The following STXBP5L variants were observed in gnomAD, a reference collection of about 807,000 sequenced individuals.
STXBP5L encodes the protein syntaxin-binding protein 5-like.
Under a neutral mutation model 144.5 loss-of-function variants are expected in STXBP5L, and 65 were observed. That is an observed-to-expected ratio of 0.45 (90% CI 0.37 to 0.55). STXBP5L has a LOEUF of 0.55. STXBP5L is among the 20% of genes least tolerant of loss of function. The pLI, the probability that STXBP5L is intolerant of heterozygous loss-of-function variation, is 0.00. For missense variants in STXBP5L, 1,298 were observed against 1,405.5 expected (o/e 0.92, Z 1.22); for synonymous variants, 505 against 469.6 (o/e 1.08, Z -0.97).
At chr3:121,126,272 A>C (rs2044698480) in intron 7 of STXBP5L, among the ~76,000 whole-genome samples, 1 of 152,206 alleles carries the variant, frequency 6.6e-6, no homozygotes, top group Non-Finnish European at 1.5e-5. Context: ...ATGCTCATTC[A>C]TTAACATATG....
chr3:121,325,000 T>C (rs948273327), intron 20 of STXBP5L, among the ~76,000 whole-genome samples: 9 of 152,048 alleles, frequency 5.9e-5, no homozygotes, highest in African/African-American at 1.7e-4. Context: ...TTTTCTATCA[T>C]CAGAAACAAC....
At chr3:120,975,384 C>T (rs75727207) in intron 3 of STXBP5L, among the ~76,000 whole-genome samples, 2 of 151,908 alleles carry the variant, frequency 1.3e-5, no homozygotes, top group South Asian at 2.1e-4. Context: ...GATTTTTGCA[C>T]ATTGATTTTG....
chr3:121,096,087 G>T (rs1273957386), intron 5 of STXBP5L, among the ~76,000 whole-genome samples: 2 of 150,914 alleles, frequency 1.3e-5, no homozygotes, highest in Non-Finnish European at 2.9e-5. Context: ...GCTCTTGCTT[G>T]GTGGGCTGTA....
intron 18 of STXBP5L, among the ~76,000 whole-genome samples, chr3:121,273,299 GT>G (rs887233615): frequency 1.2e-3 from 171 of 144,718 alleles, no homozygotes; most frequent in African/African-American, 2.4e-3. Context: ...TTGGATGGCA[GT>G]TTTTTTTTTT....
At chr3:121,243,032 G>T (rs935368732) in intron 14 of STXBP5L, among the ~76,000 whole-genome samples, 1 of 152,114 alleles carries the variant, frequency 6.6e-6, no homozygotes, top group African/African-American at 2.4e-5. Flanking sequence ...TTTCCAAGCT[G>T]GCAGAGCTCA....
At chr3:120,942,364 A>G (rs947482873) in intron 2 of STXBP5L, among the ~76,000 whole-genome samples, 1 of 151,634 alleles carries the variant, frequency 6.6e-6, no homozygotes, top group Non-Finnish European at 1.5e-5. Context: ...TATTCAATAA[A>G]CATTGAGATA....
At chr3:121,071,927 G>A (rs2041827606) in intron 5 of STXBP5L, among the ~76,000 whole-genome samples, 1 of 152,178 alleles carries the variant, frequency 6.6e-6, no homozygotes, top group Non-Finnish European at 1.5e-5. Flanking sequence ...AGGACCATGG[G>A]CAGCACCTGA....
intron 5 of STXBP5L, among the ~76,000 whole-genome samples, chr3:121,052,170 C>A (rs1438614298): frequency 6.6e-6 from 1 of 152,168 alleles, no homozygotes; most frequent in Non-Finnish European, 1.5e-5. Flanking sequence ...GAGCTGGTAC[C>A]ATTCCTTCTG....
chr3:121,025,326 G>A (rs1945850833), intron 3 of STXBP5L, among the ~76,000 whole-genome samples: 1 of 152,130 alleles, frequency 6.6e-6, no homozygotes, highest in Admixed American at 6.6e-5. Context: ...TGAGGGAGTA[G>A]TTGGGATAGC....
chr3:121,400,756 A>G (rs908511116), intron 22 of STXBP5L, among the ~76,000 whole-genome samples: 1 of 151,990 alleles, frequency 6.6e-6, no homozygotes, highest in African/African-American at 2.4e-5. Context: ...CCACCTTCCA[A>G]CCTTCCTGAG....
At chr3:121,119,856 T>C (rs920207888) in intron 6 of STXBP5L, among the ~76,000 whole-genome samples, 1 of 151,272 alleles carries the variant, frequency 6.6e-6, no homozygotes, top group African/African-American at 2.4e-5. Flanking sequence ...TCTTCTAGAG[T>C]CTGAAAAAGC....
chr3:121,358,363 A>T (rs2045597836), intron 20 of STXBP5L, among the ~76,000 whole-genome samples: 1 of 152,174 alleles, frequency 6.6e-6, no homozygotes, highest in African/African-American at 2.4e-5. Flanking sequence ...AAATAAATTT[A>T]ATTGACTCAC....
At chr3:121,340,341 TA>T (rs1225284688) in intron 20 of STXBP5L, among the ~76,000 whole-genome samples, 1 of 152,132 alleles carries the variant, frequency 6.6e-6, no homozygotes, top group Non-Finnish European at 1.5e-5. Context: ...TTACTTTTTT[TA>T]AATTATACTT....
intron 5 of STXBP5L, among the ~76,000 whole-genome samples, chr3:121,090,640 G>A (rs1439468107): frequency 1.3e-5 from 2 of 152,032 alleles, no homozygotes; most frequent in Non-Finnish European, 1.5e-5. Context: ...GATCTGAATT[G>A]TCTAAAAATT....
intron 8 of STXBP5L, among the ~76,000 whole-genome samples, chr3:121,156,000 A>T (rs980184735): frequency 6.6e-6 from 1 of 151,898 alleles, no homozygotes; most frequent in Non-Finnish European, 1.5e-5. Context: ...AGGCAAGAAG[A>T]TGTGACTTTC....
At chr3:121,086,533 A>G (rs2042502566) in intron 5 of STXBP5L, among the ~76,000 whole-genome samples, 1 of 152,122 alleles carries the variant, frequency 6.6e-6, no homozygotes, top group South Asian at 2.1e-4. Flanking sequence ...ACAGTAACAT[A>G]CGGTACAGGT....
At chr3:121,215,301 TG>T (rs749311203) in intron 10 of STXBP5L, among the ~76,000 whole-genome samples, 17 of 152,208 alleles carry the variant, frequency 1.1e-4, no homozygotes, top group Non-Finnish European at 7.4e-5. Context: ...ATAGTGTCTA[TG>T]GTCTTTACAA....
chr3:121,127,532 A>T (rs2107878789), intron 7 of STXBP5L, among the ~76,000 whole-genome samples: 1 of 151,618 alleles, frequency 6.6e-6, no homozygotes, highest in Middle Eastern at 3.4e-3. Flanking sequence ...CCATTTTCAC[A>T]TGATCTTCTC....
intron 20 of STXBP5L, among the ~76,000 whole-genome samples, chr3:121,348,204 A>G (rs895989152): frequency 6.6e-6 from 1 of 152,104 alleles, no homozygotes; most frequent in African/African-American, 2.4e-5. Flanking sequence ...TTCTGCATCT[A>G]TTGAGATAAT....
Sources: allele counts gnomAD v4.1 joint callset (sites outside exome capture counted in the v4.1 genomes callset), GRCh38; gene constraint gnomAD v4.1.1; transcripts MANE v1.5; gene names NCBI Gene and HGNC (gene_info 2026-07-23, HGNC 2026-07-21).